CCDC117: variants seen among roughly 807,000 people sequenced by gnomAD.
The protein encoded by CCDC117 is coiled-coil domain-containing protein 117.
Under a neutral mutation model 23.5 loss-of-function variants are expected in CCDC117, and 1 was observed. That is an observed-to-expected ratio of 0.04 (90% CI 0.02 to 0.20). The LOEUF (loss-of-function observed/expected upper bound fraction) is 0.20, where lower values mean the gene tolerates loss of function less well. Ranked by LOEUF, CCDC117 falls within the 10% of genes least tolerant of loss-of-function variation. The probability of loss-of-function intolerance (pLI) is 1.00; values close to 1 mark genes in which losing one functional copy is unlikely to be tolerated. For missense variants in CCDC117, 383 were observed against 348.2 expected, an observed-to-expected ratio of 1.10 and a Z score of -0.80; for synonymous variants, 132 against 124.8, an observed-to-expected ratio of 1.06 and a Z score of -0.39.
chr22:28,781,035 G>C lies in CCDC117; in HGVS notation c.327G>C (p.Glu109Asp). The C allele has an allele frequency of 6.2e-7, 1 of 1,614,024 alleles. No homozygotes were observed. The stretch of plus-strand genomic sequence containing the variant: ...TTCTTTGTGCACATCAGGATGTAGA[G>C]GGGCATGGAGTAAATCCCAGTGTTA... ...DWILCAHQDVEGHGVNPSVSG... is the reference protein window; with the variant it reads ...DWILCAHQDVDGHGVNPSVSG... Residue 109 changes from glutamate to aspartate, a missense_variant, in exon 3 of 5, where the codon GAG (glutamate) becomes GAC (aspartate). Coordinates refer to ENST00000249064, the MANE Select transcript of CCDC117 (RefSeq NM_173510.4).
intron 2 of CCDC117, among the ~76,000 whole-genome samples, chr22:28,776,369 A>T (rs2031160645): frequency 6.6e-6 from 1 of 152,040 alleles, no homozygotes; most frequent in African/African-American, 2.4e-5. Flanking sequence ...ACTCCATCCT[A>T]GGTGACAGAG....
Position 28,772,985 on chromosome 22 carries a change from G to A in CCDC117, c.136G>A (p.Gly46Arg), listed in dbSNP as rs1189365105. ...CGGCGCCGAGTTGGCCCCGCGGCCG[G>A]GACCTCGCGCAGTCCCTAGCAGTCC... is the stretch of plus-strand genomic sequence containing the variant. ...ADGAELAPRP[G>R]PRAVPSSPAG... Residue 46 changes from glycine to arginine, a missense_variant, in exon 1 of 5, where the codon GGA becomes AGA. Transcript: ENST00000249064. 1.2e-5 allele frequency: 14 copies of A among 1,200,538 alleles called. No homozygotes were observed. The allele number at this position is 1,200,538 out of a possible 1,614,324, so 74.4% of individuals were successfully genotyped here.
At chr22:28,773,915 TTG>T in intron 2 of CCDC117, 137 bp downstream of exon 2, 1 of 721,950 alleles carries the variant, frequency 1.4e-6, no homozygotes. Context: ...GTGACATTGG[TTG>T]TCTTTTAGAG....
At chr22:28,782,941 G>C (rs2031395857) in intron 3 of CCDC117, among the ~76,000 whole-genome samples, 1 of 152,116 alleles carries the variant, frequency 6.6e-6, no homozygotes, top group Admixed American at 6.5e-5. Context: ...CTGCCTCTGA[G>C]TATTAATTTT....
intron 3 of CCDC117, among the ~76,000 whole-genome samples, chr22:28,781,880 T>A (rs1244189436): frequency 6.6e-6 from 1 of 151,550 alleles, no homozygotes; most frequent in Non-Finnish European, 1.5e-5. Context: ...TGACCTCAGG[T>A]GATCCCCCTG....
In CCDC117 at chr22:28,774,422, G is replaced by C. The variant is rs185632746; in HGVS notation, c.239+644G>C. Among the ~76,000 whole-genome samples the C allele has an allele frequency of 2.0e-5, 3 of 148,066 alleles. No individual in the cohort carries two copies. The East Asian group carries it at 6.0e-4, about 30-fold the overall frequency. On this transcript the variant is annotated intron_variant, in intron 2 of 4. Transcript: ENST00000249064. ...CAGGGGCTCTGTCACCCAAGCTGGA[G>C]TGCAGTTGTGTGATCACAGCTCACT...
chr22:28,781,346 T>TTTG (rs2031323493), intron 3 of CCDC117, among the ~76,000 whole-genome samples, 174 bp downstream of exon 3: 2 of 9,746 alleles, frequency 2.1e-4, no homozygotes, highest in Admixed American at 1.0e-3. Flanking sequence ...TTTTTTTTTT[T>TTTG]TTTTTTTTTT....
At chr22:28,775,033 A>G (rs1022711137) in intron 2 of CCDC117, among the ~76,000 whole-genome samples, 1 of 151,818 alleles carries the variant, frequency 6.6e-6, no homozygotes, top group Non-Finnish European at 1.5e-5. Context: ...GGAGGCTGAG[A>G]AGGGCAGATC....
chr22:28,773,496 C>T, intron 1 of CCDC117: 1 of 573,014 alleles, frequency 1.7e-6, no homozygotes, highest in Non-Finnish European at 3.1e-6. Flanking sequence ...CCTCCCTAAT[C>T]TGTCTTCCAT....
At chr22:28,776,391 T>C (rs931693196) in intron 2 of CCDC117, among the ~76,000 whole-genome samples, 1 of 151,914 alleles carries the variant, frequency 6.6e-6, no homozygotes, top group African/African-American at 2.4e-5. Context: ...AAGATTAGAT[T>C]ACCATTTTGG....
chr22:28,776,345 G>A (rs1393498945), intron 2 of CCDC117, among the ~76,000 whole-genome samples: 1 of 152,180 alleles, frequency 6.6e-6, no homozygotes, highest in Non-Finnish European at 1.5e-5. Flanking sequence ...AGTGAGCCAA[G>A]ATTGTGCCAC....
At chr22:28,784,464 A>G (rs879700085) in intron 4 of CCDC117, among the ~76,000 whole-genome samples, 9 of 152,228 alleles carry the variant, frequency 5.9e-5, no homozygotes, top group African/African-American at 1.4e-4. Flanking sequence ...TTGGCACTCA[A>G]TAAGGGCAAG....
intron 1 of CCDC117, 117 bp from the exon 2 acceptor site, chr22:28,773,608 C>A: frequency 1.2e-6 from 1 of 800,866 alleles, no homozygotes; most frequent in Non-Finnish European, 2.1e-6. Context: ...CCACTAGGCT[C>A]AGAAAGGGAC....
Position 28,786,282 on chromosome 22 carries a change from A to G in CCDC117, c.796A>G (p.Ser266Gly), listed in dbSNP as rs994208940. ...GCCAACAGGGATGTCTCTTTATAAT[A>G]GTTTGGAGACAGCTACTAGCACAGA... ...PRPTGMSLYN[S>G]LETATSTEEE... The change falls in exon 5 of 5, where the codon AGT becomes GGT. Residue 266 changes from serine to glycine, a missense_variant. Transcript: ENST00000249064. 1 of 1,614,128 alleles carries G rather than the reference A, an allele frequency of 6.2e-7. No homozygotes were observed. Among genetic ancestry groups the G allele is most frequent in the Non-Finnish European group, 8.5e-7 (1 of 1,179,994 alleles).
At chr22:28,776,283 T>C (rs1165095940) in intron 2 of CCDC117, among the ~76,000 whole-genome samples, 1 of 152,076 alleles carries the variant, frequency 6.6e-6, no homozygotes, top group Non-Finnish European at 1.5e-5. Context: ...GGTGCGCCCC[T>C]GTGATCCCAG....
chr22:28,773,720 A>G lies in CCDC117; in HGVS notation c.186-5A>G, dbSNP rs778270191. 76 of 1,611,932 alleles carry G rather than the reference A, an allele frequency of 4.7e-5. No individual in the cohort carries two copies. The highest frequency in any genetic ancestry group is 5.9e-5 in the Non-Finnish European group (70 of 1,178,212). ...TAATTGACTGATTTTTGTTTGTTTC[A>G]ACAGTGTTTCTGTTCACTGTAAAAA... On this transcript the variant is annotated splice_polypyrimidine_tract_variant and splice_region_variant and intron_variant, in intron 1 of 4. Transcript: ENST00000249064.
At position 28,772,917 on chromosome 22, in the gene CCDC117, C is replaced by A; in HGVS notation, c.68C>A (p.Pro23Gln). ...GGCGGCTCGGACTTCCTGCAGCCGC[C>A]GCAGCCGGCCTTCCCCGGCCGGGCC... ...LSGGSDFLQPPQPAFPGRAFP... is the reference protein window; with the variant it reads ...LSGGSDFLQPQQPAFPGRAFP... The change falls in exon 1 of 5, where the codon CCG becomes CAG. Residue 23 changes from proline (P) to glutamine (Q), a missense_variant. Pro to Gln is a moderately conservative substitution (Grantham distance 76). Transcript: ENST00000249064. The A allele has an allele frequency of 8.1e-7, 1 of 1,227,642 alleles. No individual in the cohort carries two copies. The highest frequency in any genetic ancestry group is 3.8e-5 in the South Asian group (1 of 26,566). The allele number at this position is 1,227,642 out of a possible 1,614,324, so 76.0% of individuals were successfully genotyped here.
intron 3 of CCDC117, among the ~76,000 whole-genome samples, 155 bp from the exon 4 acceptor site, chr22:28,783,353 T>G (rs1236221441): frequency 1.3e-5 from 2 of 152,200 alleles, no homozygotes; most frequent in Non-Finnish European, 2.9e-5. Context: ...AGTATACCTT[T>G]TATACTCAGG....
chr22:28,775,624 C>T (rs981863738), intron 2 of CCDC117, among the ~76,000 whole-genome samples: 4 of 152,066 alleles, frequency 2.6e-5, no homozygotes, highest in South Asian at 2.1e-4. Context: ...TAAGGCCAGG[C>T]GCGGTGGCTC....
Sources: gnomAD v4.1 joint callset for allele counts (sites outside exome capture counted in the v4.1 genomes callset) on GRCh38, gnomAD v4.1.1 for gene constraint, MANE v1.5 for transcripts, NCBI Gene and HGNC (gene_info 2026-07-23, HGNC 2026-07-21) for gene names.